The following TANK variants were observed in gnomAD, a reference collection of about 807,000 sequenced individuals.
TANK encodes the protein TRAF family member-associated NF-kappa-B activator.
In TANK, 15 loss-of-function variants were observed where a neutral mutation model predicts 43.6. The observed-to-expected ratio is 0.34, with a 90% CI of 0.23 to 0.53. The LOEUF is 0.53. Ranked by LOEUF, TANK falls within the 20% of genes least tolerant of loss-of-function variation. The pLI is 0.94. For synonymous variants in TANK, 162 were observed against 178.2 expected (o/e 0.91, Z 0.73); for missense variants, 417 against 498.6 (o/e 0.84, Z 1.56).
chr2:161,177,933 A>C (rs1006257175), intron 1 of TANK, among the ~76,000 whole-genome samples: 1 of 152,176 alleles, frequency 6.6e-6, no homozygotes, highest in East Asian at 1.9e-4. Flanking sequence ...GATGCTCGTC[A>C]TTAGGGAACT....
intron 1 of TANK, among the ~76,000 whole-genome samples, chr2:161,165,642 A>C (rs1380210322): frequency 6.6e-6 from 1 of 152,174 alleles, no homozygotes; most frequent in Non-Finnish European, 1.5e-5. Context: ...TCTACACCTC[A>C]CCATACTGAC....
chr2:161,220,405 C>T (rs1687289380), intron 4 of TANK, among the ~76,000 whole-genome samples: 1 of 152,140 alleles, frequency 6.6e-6, no homozygotes, highest in Non-Finnish European at 1.5e-5. Flanking sequence ...GAGTTCGAAA[C>T]CAGCCTGACC....
chr2:161,226,481 C>T (rs115090304), intron 6 of TANK, among the ~76,000 whole-genome samples: 2,105 of 152,104 alleles, frequency 0.014, 56 homozygotes, highest in African/African-American at 0.048. Context: ...GAAAAGATGC[C>T]TATTCAGGGT....
At chr2:161,156,321 T>C (rs990814091), upstream of TANK, 8 of 985,344 alleles carry the variant, frequency 8.1e-6, no homozygotes, top group African/African-American at 1.7e-5. Flanking sequence ...AATTTTGCCA[T>C]TGCATGTTGT....
intron 4 of TANK, chr2:161,222,933 CT>C (rs773974446): frequency 6.6e-6 from 1 of 151,890 alleles, no homozygotes; most frequent in Non-Finnish European, 1.5e-5. Context: ...AAGTCTTTGT[CT>C]TAGAGAACAA....
intron 4 of TANK, among the ~76,000 whole-genome samples, chr2:161,207,189 G>A (rs1312556770): frequency 2.0e-5 from 3 of 152,108 alleles, no homozygotes; most frequent in East Asian, 3.8e-4. Context: ...TACCTGGGAT[G>A]AAATTAAGTT....
chr2:161,178,489 A>G (rs983661404), intron 1 of TANK, among the ~76,000 whole-genome samples: 1 of 151,992 alleles, frequency 6.6e-6, no homozygotes, highest in South Asian at 2.1e-4. Context: ...ATTAATGCTT[A>G]CCAGGAGATG....
chr2:161,149,799 T>C (rs954552250), intron 1 of TANK, among the ~76,000 whole-genome samples: 12 of 152,090 alleles, frequency 7.9e-5, no homozygotes, highest in Non-Finnish European at 5.9e-5. Context: ...AGTGATTTTC[T>C]TATGTTGAAC....
intron 7 of TANK, among the ~76,000 whole-genome samples, 159 bp from the exon 8 acceptor site, chr2:161,235,183 G>T (rs1688120364): frequency 6.6e-6 from 1 of 152,160 alleles, no homozygotes. Flanking sequence ...ACCACGAATT[G>T]AGTCATGTCA....
chr2:161,156,532 C>G (rs551725657), upstream of TANK, among the ~76,000 whole-genome samples: 4 of 152,308 alleles, frequency 2.6e-5, no homozygotes, highest in East Asian at 1.9e-4. Flanking sequence ...TTTGAAGACT[C>G]TCTTTCAGAC....
intron 1 of TANK, among the ~76,000 whole-genome samples, chr2:161,176,019 AG>A (rs1685158866): frequency 1.3e-5 from 2 of 152,168 alleles, no homozygotes; most frequent in Non-Finnish European, 2.9e-5. Context: ...CCTAACTAGG[AG>A]AGTGTTTTCA....
chr2:161,160,294 G>A (rs1049387495), upstream of TANK: 5 of 544,274 alleles, frequency 9.2e-6, no homozygotes, highest in African/African-American at 5.9e-5. Context: ...GCAGGGGCGG[G>A]GCAGAAGAGC....
rs2105346994 is a variant in TANK at position 161,204,672 on chromosome 2, C to T, written c.209-3C>T. 4 of 1,603,082 alleles carry T rather than the reference C, an allele frequency of 2.5e-6. No individual in the cohort carries two copies. The South Asian group carries it at 4.5e-5, about 18-fold the overall frequency. ...TAATGTCCAAGAGGTTTTTGTCTTG[C>T]AGATAACAATTATGGCTGTGTTCCT... On this transcript the variant is annotated splice_region_variant and splice_polypyrimidine_tract_variant and intron_variant, in intron 3 of 7. Coordinates refer to ENST00000392749, the MANE Select transcript of TANK (RefSeq NM_001199135.3).
At chr2:161,207,763 G>A in intron 4 of TANK, 1 of 985,204 alleles carries the variant, frequency 1.0e-6, no homozygotes, top group Non-Finnish European at 1.2e-6. Flanking sequence ...CTGAATATAT[G>A]GTTATATTCA....
intron 4 of TANK, among the ~76,000 whole-genome samples, chr2:161,219,362 TC>T (rs1475613760): frequency 2.0e-5 from 3 of 152,184 alleles, no homozygotes; most frequent in Non-Finnish European, 2.9e-5. Context: ...TCTTGCCACT[TC>T]CTTCAGAACT....
upstream of TANK, chr2:161,159,168 A>T (rs1290338247): frequency 6.6e-6 from 1 of 152,224 alleles, no homozygotes; most frequent in Non-Finnish European, 1.5e-5. Context: ...CTCTTACCTT[A>T]TGATCCAGCA....
intron 4 of TANK, among the ~76,000 whole-genome samples, chr2:161,213,100 C>T (rs1396119826): frequency 1.3e-5 from 2 of 152,134 alleles, no homozygotes; most frequent in Non-Finnish European, 2.9e-5. Flanking sequence ...AGTAAGAACT[C>T]ACTCACCTGC....
intron 1 of TANK, among the ~76,000 whole-genome samples, chr2:161,177,395 G>T (rs1005912132): frequency 2.6e-5 from 4 of 152,088 alleles, no homozygotes; most frequent in Non-Finnish European, 5.9e-5. Context: ...TGTGATTTAT[G>T]ATCAGTTGAT....
intron 4 of TANK, among the ~76,000 whole-genome samples, chr2:161,213,408 A>G (rs1249550016): frequency 2.6e-5 from 4 of 152,014 alleles, no homozygotes; most frequent in East Asian, 1.9e-4. Flanking sequence ...TTTGAGACCA[A>G]CCTGGCCAAC....
Sources: allele counts gnomAD v4.1 joint callset (sites outside exome capture counted in the v4.1 genomes callset), GRCh38; gene constraint gnomAD v4.1.1; transcripts MANE v1.5; gene names NCBI Gene and HGNC (gene_info 2026-07-23, HGNC 2026-07-21).